KDM6A: variants seen among roughly 807,000 people sequenced by gnomAD.
The protein encoded by KDM6A is lysine demethylase 6A.
In KDM6A, 11 loss-of-function variants were observed where a neutral mutation model predicts 117.6. The observed-to-expected ratio is 0.09, with a 90% CI of 0.06 to 0.15. The LOEUF (loss-of-function observed/expected upper bound fraction) is 0.15. Among genes scored for constraint, KDM6A ranks in the 10% least tolerant of loss-of-function variants. The probability of loss-of-function intolerance (pLI) is 1.00; values close to 1 mark genes in which losing one functional copy is unlikely to be tolerated. For synonymous variants in KDM6A, 384 were observed against 396.1 expected (o/e 0.97, Z 0.36); for missense variants, 799 against 1,077.3 (o/e 0.74, Z 3.62).
chrX:44,933,336 C>T (rs2036772178), intron 2 of KDM6A, among the ~76,000 whole-genome samples: 1 of 91,950 alleles, frequency 1.1e-5, no homozygotes, highest in Admixed American at 1.4e-4. Flanking sequence ...GGCGTGATCT[C>T]GGCTCACTGC....
At chrX:44,878,553 T>C (rs1251277390) in intron 2 of KDM6A, among the ~76,000 whole-genome samples, 1 of 111,857 alleles carries the variant, frequency 8.9e-6, no homozygotes, top group Non-Finnish European at 1.9e-5. Flanking sequence ...AAAGATATAC[T>C]AAGATTATAG....
At chrX:45,010,334 GA>G (rs200109800) in intron 4 of KDM6A, among the ~76,000 whole-genome samples, 1 of 107,900 alleles carries the variant, frequency 9.3e-6, no homozygotes. Context: ...AAAAAAAAAA[GA>G]AAAAAAATCA....
chrX:44,971,812 C>A (rs1031199123), intron 3 of KDM6A, among the ~76,000 whole-genome samples: 2 of 111,098 alleles, frequency 1.8e-5, no homozygotes, highest in African/African-American at 6.6e-5. Context: ...TTTATGCTTC[C>A]CACGACCTCC....
At chrX:44,946,505 TG>T (rs2037639106) in intron 2 of KDM6A, among the ~76,000 whole-genome samples, 1 of 112,005 alleles carries the variant, frequency 8.9e-6, no homozygotes, top group Admixed American at 9.5e-5. Flanking sequence ...TTCTCAGTTG[TG>T]GCTTGCCTTT....
chrX:45,060,404 GGTTT>G (rs1042740919), intron 13 of KDM6A, among the ~76,000 whole-genome samples: 2 of 111,869 alleles, frequency 1.8e-5, no homozygotes, highest in African/African-American at 6.5e-5. Context: ...ATGCTACAGT[GGTTT>G]GTTTAATTTT....
At chrX:45,058,607 T>C (rs1200843607) in intron 10 of KDM6A, among the ~76,000 whole-genome samples, 2 of 110,686 alleles carry the variant, frequency 1.8e-5, no homozygotes, top group East Asian at 5.7e-4. Flanking sequence ...GTATATAGTG[T>C]TTTTGTTTTT....
chrX:44,933,260 ATTTTT>A (rs56098621), intron 2 of KDM6A, among the ~76,000 whole-genome samples: 6 of 36,536 alleles, frequency 1.6e-4, no homozygotes, highest in Non-Finnish European at 2.7e-4. Context: ...GTTTATGTTG[ATTTTT>A]TTTTTTTTTT....
At chrX:45,106,727 A>G in intron 27 of KDM6A, 1 of 309,393 alleles carries the variant, frequency 3.2e-6, no homozygotes, top group Non-Finnish European at 6.4e-6. Flanking sequence ...AGAATTTACT[A>G]TGTTGTTAGC....
At chrX:45,097,597 T>C (rs2046165110) in intron 27 of KDM6A, among the ~76,000 whole-genome samples, 1 of 111,557 alleles carries the variant, frequency 9.0e-6, no homozygotes, top group Non-Finnish European at 1.9e-5. Context: ...AATAAGGGAT[T>C]ATGAACCTGT....
chrX:44,887,331 A>G (rs1306116815), intron 2 of KDM6A, among the ~76,000 whole-genome samples: 1 of 111,570 alleles, frequency 9.0e-6, no homozygotes, highest in Non-Finnish European at 1.9e-5. Context: ...TTTAGCTACA[A>G]ACATTTTATA....
intron 14 of KDM6A, 109 bp downstream of exon 14, chrX:45,060,873 C>G: frequency 2.2e-6 from 1 of 455,155 alleles, no homozygotes; most frequent in Middle Eastern, 6.4e-4. Flanking sequence ...TTGTGGACAT[C>G]AAAGAGTGAA....
At chrX:45,089,015 A>T (rs372699977) in intron 25 of KDM6A, among the ~76,000 whole-genome samples, 1 of 111,824 alleles carries the variant, frequency 8.9e-6, no homozygotes, top group East Asian at 2.8e-4. Context: ...AGTTCCTGGT[A>T]CTTGTATTGC....
intron 2 of KDM6A, among the ~76,000 whole-genome samples, chrX:44,906,653 G>A (rs966023217): frequency 9.1e-6 from 1 of 110,240 alleles, no homozygotes; most frequent in African/African-American, 3.3e-5. Flanking sequence ...GAGAGAGACT[G>A]TATGTGTATG....
chrX:45,013,016 T>A (rs971079662), intron 5 of KDM6A, among the ~76,000 whole-genome samples: 29 of 112,165 alleles, frequency 2.6e-4, no homozygotes, highest in African/African-American at 8.1e-4. Context: ...TGTTTTAAAA[T>A]CTTTCAGTTT....
chrX:45,034,215 A>G (rs1331237109), intron 6 of KDM6A, among the ~76,000 whole-genome samples: 1 of 111,484 alleles, frequency 9.0e-6, no homozygotes, highest in Non-Finnish European at 1.9e-5. Context: ...AATGTCACCC[A>G]GTGTTCTTGA....
intron 2 of KDM6A, among the ~76,000 whole-genome samples, chrX:44,936,571 A>G (rs1757710907): frequency 1.8e-5 from 2 of 111,808 alleles, no homozygotes; most frequent in Non-Finnish European, 3.8e-5. Context: ...AATTTTCACC[A>G]TAATCATTGT....
At chrX:45,080,769 A>G (rs890424170) in intron 21 of KDM6A, among the ~76,000 whole-genome samples, 5 of 112,427 alleles carry the variant, frequency 4.4e-5, no homozygotes, top group African/African-American at 1.6e-4. Flanking sequence ...CAGACTTTCA[A>G]GATACTTCAA....
At chrX:45,105,693 A>G (rs1378492229) in intron 27 of KDM6A, among the ~76,000 whole-genome samples, 2 of 112,208 alleles carry the variant, frequency 1.8e-5, no homozygotes, top group Non-Finnish European at 3.8e-5. Context: ...ACAGGCACGC[A>G]TGCACACATC....
intron 2 of KDM6A, among the ~76,000 whole-genome samples, chrX:44,918,799 A>G (rs767629313): frequency 1.8e-5 from 2 of 111,930 alleles, no homozygotes; most frequent in Non-Finnish European, 3.8e-5. Context: ...TGTTATTTGC[A>G]TATTAGGAAA....
Sources: gnomAD v4.1 joint callset for allele counts (sites outside exome capture counted in the v4.1 genomes callset) on GRCh38, gnomAD v4.1.1 for gene constraint, MANE v1.5 for transcripts, NCBI Gene and HGNC (gene_info 2026-07-23, HGNC 2026-07-21) for gene names.